The following COBL variants were observed in gnomAD, a reference collection of about 807,000 sequenced individuals.
The protein encoded by COBL is protein cordon-bleu.
In COBL, 51 loss-of-function variants were observed where a neutral mutation model predicts 98.8. The ratio of observed to expected loss-of-function variants is 0.52; its 90% confidence interval spans 0.41 to 0.65. COBL has a LOEUF of 0.65. Ranked by LOEUF, COBL falls within the 30% of genes least tolerant of loss-of-function variation. COBL has a pLI of 0.00. For missense variants in COBL, 1,617 were observed against 1,617.5 expected (o/e 1.00, Z 0.01); for synonymous variants, 634 against 651.7 (o/e 0.97, Z 0.41).
chr7:51,049,242 C>T (rs1174895294), intron 7 of COBL, among the ~76,000 whole-genome samples: 1 of 152,138 alleles, frequency 6.6e-6, no homozygotes, highest in Non-Finnish European at 1.5e-5. Context: ...CCAATATTTC[C>T]ATTTGTTCTT....
chr7:51,100,688 G>A (rs2128961902), intron 6 of COBL, among the ~76,000 whole-genome samples: 1 of 152,272 alleles, frequency 6.6e-6, no homozygotes, highest in East Asian at 1.9e-4. Flanking sequence ...ATCACATGAG[G>A]TCAGGAGTTT....
intron 6 of COBL, among the ~76,000 whole-genome samples, chr7:51,122,537 T>C (rs1320276336): frequency 1.3e-5 from 2 of 152,252 alleles, no homozygotes; most frequent in African/African-American, 4.8e-5. Flanking sequence ...AGTGTTGTTT[T>C]TTCGTCTCCA....
chr7:51,181,390 G>A (rs921142190), intron 5 of COBL, among the ~76,000 whole-genome samples: 19 of 152,184 alleles, frequency 1.2e-4, no homozygotes, highest in African/African-American at 4.3e-4. Flanking sequence ...GTAACACTGA[G>A]TGAATTTTTT....
chr7:51,081,983 A>G (rs1793706578), intron 7 of COBL, among the ~76,000 whole-genome samples: 1 of 152,108 alleles, frequency 6.6e-6, no homozygotes, highest in Non-Finnish European at 1.5e-5. Flanking sequence ...TCTAATGTCA[A>G]GATGATCAAA....
At chr7:51,049,116 A>C (rs916062089) in intron 7 of COBL, among the ~76,000 whole-genome samples, 3 of 152,246 alleles carry the variant, frequency 2.0e-5, no homozygotes, top group African/African-American at 7.2e-5. Context: ...AATGATCTAT[A>C]ATCTGACAAC....
intron 5 of COBL, among the ~76,000 whole-genome samples, chr7:51,151,443 C>T (rs781117036): frequency 6.6e-5 from 10 of 152,126 alleles, no homozygotes; most frequent in Non-Finnish European, 1.0e-4. Context: ...ACTCTGGCGT[C>T]GCACCTGCCC....
At chr7:51,116,664 T>C (rs1797296800) in intron 6 of COBL, among the ~76,000 whole-genome samples, 6 of 152,174 alleles carry the variant, frequency 3.9e-5, no homozygotes, top group Non-Finnish European at 8.8e-5. Context: ...TGACACTCTT[T>C]ATGTCTTTCT....
At chr7:51,128,711 C>T (rs1470054461) in intron 6 of COBL, among the ~76,000 whole-genome samples, 2 of 152,054 alleles carry the variant, frequency 1.3e-5, no homozygotes, top group African/African-American at 2.4e-5. Flanking sequence ...TCCTGTGCCC[C>T]TCAAGCCCCT....
In COBL at chr7:51,151,828, T is replaced by C. The variant is rs147118356; in HGVS notation, c.784-15497A>G. Among the ~76,000 whole-genome samples the C allele has an allele frequency of 5.2e-4, 79 of 152,364 alleles. No individual in the cohort carries two copies. The East Asian group carries it at 0.015, about 29-fold the overall frequency. ...AAGAGCAGAAAGGGCTCTGTGTGCC[T>C]GGCTCAGGCTAGACACACAGCGTCC... is the stretch of plus-strand genomic sequence containing the variant. On this transcript the variant is annotated intron_variant, in intron 5 of 12. Coordinates refer to ENST00000265136, the MANE Select transcript of COBL (RefSeq NM_015198.5).
chr7:51,104,502 T>A (rs190028427), intron 6 of COBL, among the ~76,000 whole-genome samples: 2 of 152,188 alleles, frequency 1.3e-5, no homozygotes, highest in Non-Finnish European at 2.9e-5. Context: ...AATTTCTCCA[T>A]CTGTAAAACG....
chr7:51,179,646 C>T (rs1305461115), intron 5 of COBL, among the ~76,000 whole-genome samples: 1 of 152,058 alleles, frequency 6.6e-6, no homozygotes, highest in Non-Finnish European at 1.5e-5. Context: ...GCTCTCTTTT[C>T]CTAAAAGTTC....
chr7:51,280,080 C>G lies in COBL; in HGVS notation c.41+36513G>C, dbSNP rs549824487. On this transcript the variant is annotated intron_variant, in intron 1 of 12. Coordinates refer to ENST00000265136, the MANE Select transcript of COBL (RefSeq NM_015198.5). ...ACATAGAGCAGCAAAAAAAATCTGG[C>G]CAGAATGCAAGGAACAGCTATTTGA... Among the ~76,000 whole-genome samples the G allele has an allele frequency of 5.3e-5, 8 of 152,206 alleles. No individual in the cohort carries two copies. In the East Asian group the frequency reaches 1.4e-3, roughly 26 times the overall value.
intron 6 of COBL, among the ~76,000 whole-genome samples, chr7:51,108,958 C>CACACACACA (rs1562923478): frequency 0.12 from 10,133 of 83,762 alleles, 471 homozygotes; most frequent in Non-Finnish European, 0.14. Context: ...ACACACACAC[C>CACACACACA]CCCTGCCCCA....
intron 6 of COBL, among the ~76,000 whole-genome samples, chr7:51,087,858 G>A (rs938828702): frequency 6.7e-6 from 1 of 148,938 alleles, no homozygotes; most frequent in South Asian, 2.2e-4. Flanking sequence ...AGATGCGTAT[G>A]AGGAAGATTT....
At chr7:51,098,970 A>G (rs934204677) in intron 6 of COBL, among the ~76,000 whole-genome samples, 4 of 152,194 alleles carry the variant, frequency 2.6e-5, no homozygotes, top group African/African-American at 9.6e-5. Flanking sequence ...CGTTTCTCCA[A>G]GGAAGATATA....
intron 1 of COBL, among the ~76,000 whole-genome samples, chr7:51,269,816 T>A (rs1798592955): frequency 6.6e-6 from 1 of 152,104 alleles, no homozygotes; most frequent in Non-Finnish European, 1.5e-5. Context: ...ATGCTCCCCA[T>A]CCAAGAAACC....
chr7:51,090,314 A>C (rs1794686955), intron 6 of COBL, among the ~76,000 whole-genome samples: 1 of 152,202 alleles, frequency 6.6e-6, no homozygotes, highest in Non-Finnish European at 1.5e-5. Flanking sequence ...AAGGCACAGG[A>C]CCATAGGCAA....
intron 1 of COBL, among the ~76,000 whole-genome samples, chr7:51,240,546 T>A (rs1489444893): frequency 1.3e-5 from 2 of 152,166 alleles, no homozygotes; most frequent in Non-Finnish European, 2.9e-5. Flanking sequence ...ACATATTTTT[T>A]TTTTATTTTA....
At chr7:51,172,747 T>C (rs754273857) in intron 5 of COBL, among the ~76,000 whole-genome samples, 10 of 152,318 alleles carry the variant, frequency 6.6e-5, no homozygotes, top group East Asian at 1.9e-4. Context: ...TCCACACTCA[T>C]AGGAATGAGT....
Sources: allele counts gnomAD v4.1 joint callset (sites outside exome capture counted in the v4.1 genomes callset), GRCh38; gene constraint gnomAD v4.1.1; transcripts MANE v1.5; gene names NCBI Gene and HGNC (gene_info 2026-07-23, HGNC 2026-07-21).